Variants in PDHX observed in about 807,000 individuals in gnomAD.
PDHX encodes pyruvate dehydrogenase protein X component, mitochondrial.
A neutral mutation model predicts 55.3 loss-of-function variants in PDHX; 33 were observed. That is an observed-to-expected ratio of 0.60 (90% CI 0.45 to 0.80). PDHX has a LOEUF of 0.80. Among genes scored for constraint, PDHX ranks in the 30% least tolerant of loss-of-function variants. The pLI, the probability that PDHX is intolerant of heterozygous loss-of-function variation, is 0.00. For missense variants in PDHX, 622 were observed against 619.9 expected, an observed-to-expected ratio of 1.00 and a Z score of -0.04; for synonymous variants, 226 against 219.4, an observed-to-expected ratio of 1.03 and a Z score of -0.27.
intron 9 of PDHX, among the ~76,000 whole-genome samples, chr11:34,988,724 A>G (rs921484867): frequency 1.1e-4 from 16 of 152,176 alleles, no homozygotes; most frequent in South Asian, 2.1e-4. Context: ...TGTAAGACCA[A>G]TCTTTTGGTT....
At chr11:34,953,132 G>A (rs990059116) in intron 3 of PDHX, among the ~76,000 whole-genome samples, 9 of 147,330 alleles carry the variant, frequency 6.1e-5, no homozygotes, top group Non-Finnish European at 1.0e-4. Context: ...TCCAACTTAC[G>A]AGGGACGTGA....
At chr11:34,931,801 C>G (rs1854179205) in intron 2 of PDHX, among the ~76,000 whole-genome samples, 1 of 144,362 alleles carries the variant, frequency 6.9e-6, no homozygotes, top group Admixed American at 7.2e-5. Context: ...TAATTTATAA[C>G]TTTATCATGA....
At chr11:34,928,443 G>GT (rs1443240912) in intron 1 of PDHX, among the ~76,000 whole-genome samples, 3 of 144,574 alleles carry the variant, frequency 2.1e-5, no homozygotes, top group African/African-American at 5.0e-5. Flanking sequence ...AAAGATAAGA[G>GT]TTTTTTTTTG....
At chr11:34,977,561 G>A (rs188017368) in intron 7 of PDHX, among the ~76,000 whole-genome samples, 78 of 152,072 alleles carry the variant, frequency 5.1e-4, no homozygotes, top group African/African-American at 1.8e-3. Context: ...AAGTTAAAAA[G>A]CAGTTAAATT....
chr11:34,924,273 A>C (rs1853965453), intron 1 of PDHX, among the ~76,000 whole-genome samples: 1 of 152,048 alleles, frequency 6.6e-6, no homozygotes, highest in African/African-American at 2.4e-5. Context: ...ATGGAGCCTT[A>C]CTCTGTCGCC....
At chr11:34,960,310 T>A in intron 4 of PDHX, 110 bp from the exon 5 acceptor site, 1 of 737,212 alleles carries the variant, frequency 1.4e-6, no homozygotes, top group Non-Finnish European at 2.4e-6. Flanking sequence ...TCATTTTAGC[T>A]TTATTATAAG....
At chr11:34,985,397 C>T (rs550835225) in intron 9 of PDHX, among the ~76,000 whole-genome samples, 3 of 152,126 alleles carry the variant, frequency 2.0e-5, no homozygotes, top group Admixed American at 6.5e-5. Flanking sequence ...GCCGAGATTG[C>T]GCCACCGTAC....
At chr11:34,968,553 A>G (rs144809762) in intron 6 of PDHX, among the ~76,000 whole-genome samples, 86 of 152,350 alleles carry the variant, frequency 5.6e-4, no homozygotes, top group African/African-American at 1.9e-3. Flanking sequence ...TGGAAAAACT[A>G]CAGTGAAGTT....
intron 7 of PDHX, 98 bp downstream of exon 7, chr11:34,970,384 C>G: frequency 1.0e-6 from 1 of 1,001,692 alleles, no homozygotes; most frequent in Middle Eastern, 3.1e-4. Context: ...CATTGTGTAG[C>G]TTTTAATTTC....
intron 2 of PDHX, among the ~76,000 whole-genome samples, chr11:34,937,017 C>T (rs1256816128): frequency 6.6e-6 from 1 of 151,988 alleles, no homozygotes; most frequent in Non-Finnish European, 1.5e-5. Flanking sequence ...TTTCTGACCT[C>T]AAGTGATCTG....
rs541894942 is a variant in PDHX at position 34,977,377 on chromosome 11, C to T, written c.965-747C>T. 1.1e-3 allele frequency among the ~76,000 whole-genome samples: 170 copies of T among 152,194 alleles called. No homozygotes were observed. In the Middle Eastern group the frequency reaches 0.031, roughly 27 times the overall value. ...ACAAATACTTTAGTTATGATCAGCT[C>T]GTAGGAAGTGGGAGGACCCCAGCTT... is the stretch of plus-strand genomic sequence containing the variant. On this transcript the variant is annotated intron_variant, in intron 7 of 10. Coordinates refer to ENST00000227868, the MANE Select transcript of PDHX (RefSeq NM_003477.3).
intron 7 of PDHX, among the ~76,000 whole-genome samples, chr11:34,971,353 A>G (rs1855254789): frequency 6.6e-6 from 1 of 152,136 alleles, no homozygotes; most frequent in African/African-American, 2.4e-5. Flanking sequence ...TAATGAATAT[A>G]GATGGTAAAA....
chr11:34,939,468 GGTGT>G (rs68165754), intron 2 of PDHX, among the ~76,000 whole-genome samples: 71,342 of 148,898 alleles, frequency 0.48, 17,378 homozygotes, highest in East Asian at 0.75. Flanking sequence ...TTTTACTAAT[GGTGT>G]GTGTGTGTGT....
At chr11:34,953,890 T>G (rs1456373801) in intron 3 of PDHX, among the ~76,000 whole-genome samples, 1 of 152,180 alleles carries the variant, frequency 6.6e-6, no homozygotes, top group Non-Finnish European at 1.5e-5. Context: ...GGAACAGTGC[T>G]TGGCACTTGA....
At chr11:34,985,455 G>A (rs146817785) in intron 9 of PDHX, among the ~76,000 whole-genome samples, 197 of 152,212 alleles carry the variant, frequency 1.3e-3, no homozygotes, top group African/African-American at 4.6e-3. Context: ...AGAAATGGAC[G>A]TAATGTTCCA....
At chr11:34,947,686 T>G in intron 3 of PDHX, 80 bp downstream of exon 3, 2 of 922,032 alleles carry the variant, frequency 2.2e-6, no homozygotes, top group South Asian at 2.6e-5. Flanking sequence ...TTACCTTTTA[T>G]TTTTGCCTCC....
chr11:34,934,034 A>G (rs531409974), intron 2 of PDHX, among the ~76,000 whole-genome samples: 29 of 152,300 alleles, frequency 1.9e-4, no homozygotes, highest in African/African-American at 6.7e-4. Context: ...CTCTTCTGCT[A>G]TATGAACCGT....
At chr11:34,979,181 T>C (rs1855449258) in intron 8 of PDHX, among the ~76,000 whole-genome samples, 1 of 152,138 alleles carries the variant, frequency 6.6e-6, no homozygotes, top group Non-Finnish European at 1.5e-5. Context: ...AGGAATGAGT[T>C]TTCCATGTAC....
chr11:34,959,247 A>T (rs1433601335), intron 4 of PDHX, among the ~76,000 whole-genome samples: 2 of 152,160 alleles, frequency 1.3e-5, no homozygotes, highest in African/African-American at 4.8e-5. Flanking sequence ...CCAATTAAAA[A>T]ACAGGTGAAG....
Sources: allele counts gnomAD v4.1 joint callset (sites outside exome capture counted in the v4.1 genomes callset), GRCh38; gene constraint gnomAD v4.1.1; transcripts MANE v1.5; gene names NCBI Gene and HGNC (gene_info 2026-07-23, HGNC 2026-07-21).